Variants in DGKI observed in about 807,000 individuals in gnomAD.
DGKI encodes DAG kinase iota.
In DGKI, 55 loss-of-function variants were observed where a neutral mutation model predicts 147.5. The ratio of observed to expected loss-of-function variants is 0.37; its 90% confidence interval spans 0.30 to 0.47. The LOEUF is 0.47. DGKI is among the 20% of genes least tolerant of loss of function. The pLI is 1.00. For missense variants in DGKI, 1,007 were observed against 1,323.8 expected (o/e 0.76, Z 3.71); for synonymous variants, 469 against 477.1 (o/e 0.98, Z 0.22).
At chr7:137,578,226 C>T (rs1444931005) in intron 16 of DGKI, 44 bp downstream of exon 16, 2 of 1,384,130 alleles carry the variant, frequency 1.4e-6, no homozygotes, top group Admixed American at 1.7e-5. Flanking sequence ...AGTGAATTGG[C>T]AATAAGTAAT....
chr7:137,759,318 A>G (rs950417758), intron 1 of DGKI, among the ~76,000 whole-genome samples: 7 of 150,908 alleles, frequency 4.6e-5, no homozygotes, highest in African/African-American at 1.7e-4. Flanking sequence ...ATTATTTTCT[A>G]TGGCTGCTCT....
At chr7:137,473,287 G>C (rs1181741388) in intron 23 of DGKI, among the ~76,000 whole-genome samples, 2 of 152,042 alleles carry the variant, frequency 1.3e-5, no homozygotes, top group African/African-American at 4.8e-5. Context: ...AAGAGGTTTC[G>C]TCTAAAGATA....
At chr7:137,800,936 T>C (rs1331729133) in intron 1 of DGKI, among the ~76,000 whole-genome samples, 3 of 152,194 alleles carry the variant, frequency 2.0e-5, no homozygotes, top group Admixed American at 6.5e-5. Flanking sequence ...TTCTGTAGAA[T>C]AAGAATTTTG....
chr7:137,455,024 T>C (rs973995498), intron 27 of DGKI, among the ~76,000 whole-genome samples: 3 of 152,184 alleles, frequency 2.0e-5, no homozygotes, highest in African/African-American at 4.8e-5. Context: ...GGATATGCAA[T>C]ATCTCCCTGT....
intron 30 of DGKI, among the ~76,000 whole-genome samples, chr7:137,398,670 A>G (rs1485012544): frequency 6.6e-6 from 1 of 152,038 alleles, no homozygotes; most frequent in East Asian, 1.9e-4. Flanking sequence ...ATGTTATGGG[A>G]TTTCATAATT....
intron 6 of DGKI, among the ~76,000 whole-genome samples, chr7:137,637,727 T>A (rs530471210): frequency 5.9e-5 from 9 of 152,378 alleles, no homozygotes; most frequent in African/African-American, 2.2e-4. Flanking sequence ...ATAAATAAAC[T>A]AAGCACTGGC....
chr7:137,747,165 G>A (rs908409879), intron 1 of DGKI, among the ~76,000 whole-genome samples: 10 of 152,160 alleles, frequency 6.6e-5, no homozygotes, highest in Middle Eastern at 3.4e-3. Context: ...TTTGATTGAA[G>A]TTACTATTAT....
intron 28 of DGKI, among the ~76,000 whole-genome samples, chr7:137,431,074 C>T (rs1157732161): frequency 6.6e-6 from 1 of 152,090 alleles, no homozygotes; most frequent in African/African-American, 2.4e-5. Context: ...GCTGGGAAAT[C>T]AGATGCTTGA....
At chr7:137,502,371 G>C (rs1282839213) in intron 21 of DGKI, among the ~76,000 whole-genome samples, 1 of 152,170 alleles carries the variant, frequency 6.6e-6, no homozygotes, top group East Asian at 1.9e-4. Flanking sequence ...ATACATAATT[G>C]TGTGTCATGT....
At chr7:137,412,354 C>A (rs1029497025) in intron 28 of DGKI, 147 bp from the exon 29 acceptor site, 3 of 744,578 alleles carry the variant, frequency 4.0e-6, no homozygotes, top group Non-Finnish European at 6.9e-6. Flanking sequence ...CAGACCGAGG[C>A]CCCCTCTTTA....
chr7:137,531,810 T>G (rs371021212), intron 20 of DGKI, among the ~76,000 whole-genome samples: 1 of 152,270 alleles, frequency 6.6e-6, no homozygotes, highest in African/African-American at 2.4e-5. Flanking sequence ...AAAATGTCAT[T>G]TCACAGAAGA....
intron 20 of DGKI, among the ~76,000 whole-genome samples, chr7:137,538,870 T>C (rs772337561): frequency 4.6e-5 from 7 of 152,140 alleles, no homozygotes; most frequent in Non-Finnish European, 1.0e-4. Flanking sequence ...ATCAAATTGG[T>C]AGTAAACTCC....
chr7:137,496,502 AAAT>A (rs1340311736), intron 21 of DGKI, among the ~76,000 whole-genome samples: 1 of 151,892 alleles, frequency 6.6e-6, no homozygotes, highest in South Asian at 2.1e-4. Flanking sequence ...ATAGCCAAGG[AAAT>A]AATAATAATA....
intron 1 of DGKI, among the ~76,000 whole-genome samples, chr7:137,801,979 T>C (rs1462021396): frequency 6.6e-6 from 1 of 152,014 alleles, no homozygotes. Flanking sequence ...ATTGCAAAAA[T>C]ATAAAATGGG....
At chr7:137,537,050 G>A (rs1293446353) in intron 20 of DGKI, among the ~76,000 whole-genome samples, 2 of 152,188 alleles carry the variant, frequency 1.3e-5, no homozygotes, top group Non-Finnish European at 2.9e-5. Flanking sequence ...GCAGATGTCT[G>A]TTTTATGGAA....
intron 20 of DGKI, among the ~76,000 whole-genome samples, chr7:137,522,687 T>A (rs1277398989): frequency 6.6e-6 from 1 of 152,144 alleles, no homozygotes; most frequent in African/African-American, 2.4e-5. Flanking sequence ...CCAAACTTTC[T>A]GAACATCTAT....
At chr7:137,580,710 T>C (rs752133956) in intron 15 of DGKI, among the ~76,000 whole-genome samples, 1 of 152,154 alleles carries the variant, frequency 6.6e-6, no homozygotes, top group Non-Finnish European at 1.5e-5. Context: ...TTTAATCCTG[T>C]AGCATCACTC....
At position 137,846,159 on chromosome 7, in the gene DGKI, T is replaced by TCACACACA. The variant is rs1445573422; in HGVS notation, c.401+302_401+303insTGTGTGTG. 4.6e-5 allele frequency among the ~76,000 whole-genome samples: 6 copies of TCACACACA among 130,132 alleles called. No homozygotes were observed. The highest frequency in any genetic ancestry group is 5.1e-4 in the South Asian group (2 of 3,908). The allele number at this position is 130,132 out of a possible 152,430, so 85.4% of individuals were successfully genotyped here. A position where few individuals can be genotyped will look rare whatever the true frequency, so the allele number is the denominator to read the frequency against. ...TTCTCTCTCTCTCTCTCTCTCTCTC[T>TCACACACA]CTCACACACACACACACACACACAC... On this transcript the variant is annotated intron_variant, in intron 1 of 32. Transcript: ENST00000614521. This position sits in a 1 kb window ranked among gnomAD's most constrained non-coding sequence, Gnocchi z 4.0.
chr7:137,567,574 TA>T (rs1818631985), intron 19 of DGKI, among the ~76,000 whole-genome samples: 1 of 152,082 alleles, frequency 6.6e-6, no homozygotes. Context: ...GTTTCTTCAA[TA>T]AATAAATGAG....
Sources: gnomAD v4.1 joint callset for allele counts (sites outside exome capture counted in the v4.1 genomes callset) on GRCh38, gnomAD v4.1.1 for gene constraint, Gnocchi (gnomAD v3.1) non-coding constraint, MANE v1.5 for transcripts, NCBI Gene and HGNC (gene_info 2026-07-23, HGNC 2026-07-21) for gene names.